CIMIP6: variants seen among roughly 807,000 people sequenced by gnomAD.
The protein encoded by CIMIP6 is ciliary microtubule inner protein 6, also known as uncharacterized protein C2orf73.
chr2:54,343,662 A>G, the CIMIP6 span: 2 of 1,270,636 alleles, frequency 1.6e-6, no homozygotes, highest in Admixed American at 2.6e-5. Flanking sequence ...GACATCAAGC[A>G]ATACATGAAA....
At chr2:54,382,796 T>C in the CIMIP6 span, among the ~76,000 whole-genome samples, 3 of 152,244 alleles carry the variant, frequency 2.0e-5, no homozygotes, top group Non-Finnish European at 4.4e-5. Flanking sequence ...GTGATATTCA[T>C]CATTTCTAGA....
the CIMIP6 span, chr2:54,330,928 C>A: frequency 6.3e-7 from 1 of 1,596,690 alleles, no homozygotes; most frequent in Non-Finnish European, 8.6e-7. Context: ...AGGGCTGCGT[C>A]CCTGTTCTTC....
chr2:54,382,836 T>G, the CIMIP6 span, among the ~76,000 whole-genome samples: 1 of 152,216 alleles, frequency 6.6e-6, no homozygotes, highest in Non-Finnish European at 1.5e-5. Flanking sequence ...TGTTCACAAA[T>G]TCTTTGATAC....
the CIMIP6 span, chr2:54,382,040 AGG>A: frequency 6.9e-7 from 1 of 1,451,920 alleles, no homozygotes; most frequent in Non-Finnish European, 9.1e-7. Flanking sequence ...CAGAGAAGTT[AGG>A]TAGCTCACTC....
chr2:54,334,833 G>A, the CIMIP6 span: 2 of 1,544,090 alleles, frequency 1.3e-6, no homozygotes, highest in Non-Finnish European at 1.8e-6. Flanking sequence ...TAAAATAGAG[G>A]ATGCTGCTAT....
At chr2:54,372,552 G>T in the CIMIP6 span, among the ~76,000 whole-genome samples, 1 of 152,158 alleles carries the variant, frequency 6.6e-6, no homozygotes, top group Non-Finnish European at 1.5e-5. Context: ...TCTAAGAAGA[G>T]GTCATAAAAG....
chr2:54,364,382 A>G, the CIMIP6 span, among the ~76,000 whole-genome samples: 3 of 152,238 alleles, frequency 2.0e-5, no homozygotes, highest in Non-Finnish European at 4.4e-5. Flanking sequence ...ATTAAAGTCA[A>G]AAATACTTTA....
chr2:54,341,042 T>C, the CIMIP6 span, among the ~76,000 whole-genome samples: 1 of 152,194 alleles, frequency 6.6e-6, no homozygotes, highest in Non-Finnish European at 1.5e-5. Flanking sequence ...CCAGAGCCAT[T>C]TTTCCAGTAA....
the CIMIP6 span, among the ~76,000 whole-genome samples, chr2:54,333,535 A>C: frequency 6.6e-6 from 1 of 152,186 alleles, no homozygotes; most frequent in East Asian, 1.9e-4. Context: ...CCTCAGAGCT[A>C]CAATTAGGAG....
At chr2:54,367,550 T>C in the CIMIP6 span, among the ~76,000 whole-genome samples, 1 of 152,128 alleles carries the variant, frequency 6.6e-6, no homozygotes, top group Admixed American at 6.5e-5. Flanking sequence ...TTTGTATTCA[T>C]GATGTAGGGA....
At chr2:54,330,950 C>T in the CIMIP6 span, 3 of 1,612,628 alleles carry the variant, frequency 1.9e-6, no homozygotes, top group Non-Finnish European at 2.5e-6. Context: ...CAGGAGGCTC[C>T]TCGCTGCCTG....
the CIMIP6 span, among the ~76,000 whole-genome samples, chr2:54,375,895 T>C: frequency 6.6e-6 from 1 of 151,974 alleles, no homozygotes; most frequent in Non-Finnish European, 1.5e-5. Flanking sequence ...GGTGTGTGTG[T>C]GTGTGTGTGT....
At chr2:54,364,122 C>T in the CIMIP6 span, among the ~76,000 whole-genome samples, 2 of 152,096 alleles carry the variant, frequency 1.3e-5, no homozygotes, top group African/African-American at 2.4e-5. Context: ...TGATGATTTC[C>T]AGGTTTAAGT....
chr2:54,333,183 G>T, the CIMIP6 span, among the ~76,000 whole-genome samples: 21 of 152,260 alleles, frequency 1.4e-4, no homozygotes, highest in Non-Finnish European at 2.1e-4. Context: ...ACTAGTAAAG[G>T]ATATTTGTAG....
the CIMIP6 span, among the ~76,000 whole-genome samples, chr2:54,363,864 T>A: frequency 6.6e-6 from 1 of 152,214 alleles, no homozygotes; most frequent in Non-Finnish European, 1.5e-5. Context: ...GCAACAGACC[T>A]CATGGTTGAC....
the CIMIP6 span, among the ~76,000 whole-genome samples, chr2:54,348,044 G>A: frequency 6.6e-6 from 1 of 152,094 alleles, no homozygotes; most frequent in African/African-American, 2.4e-5. Flanking sequence ...GATTGTACTG[G>A]GGCTTGGGGA....
the CIMIP6 span, among the ~76,000 whole-genome samples, chr2:54,346,558 T>C: frequency 6.6e-6 from 1 of 152,170 alleles, no homozygotes; most frequent in Non-Finnish European, 1.5e-5. Context: ...ACTAGTCTTC[T>C]CCATCTCAGT....
At chr2:54,360,443 G>A in the CIMIP6 span, 20 of 1,592,286 alleles carry the variant, frequency 1.3e-5, 1 homozygote, top group South Asian at 5.7e-5. Flanking sequence ...GGCAGCCAAG[G>A]CATGCCCCAG....
the CIMIP6 span, among the ~76,000 whole-genome samples, chr2:54,357,783 C>G: frequency 2.0e-5 from 3 of 148,426 alleles, no homozygotes; most frequent in Non-Finnish European, 3.0e-5. Context: ...ACGGGGTTTT[C>G]ACCATGTTGG....
Sources: allele counts gnomAD v4.1 joint callset (sites outside exome capture counted in the v4.1 genomes callset), GRCh38; gene constraint gnomAD v4.1.1; transcripts MANE v1.5; gene names NCBI Gene and HGNC (gene_info 2026-07-23, HGNC 2026-07-21).